Variants in TENM2 observed in about 807,000 individuals in gnomAD.
The protein encoded by TENM2 is teneurin-2.
TENM2 carries 52 observed loss-of-function variants against 245.2 expected under a neutral mutation model. The ratio of observed to expected loss-of-function variants is 0.21; its 90% CI spans 0.17 to 0.27. The LOEUF (loss-of-function observed/expected upper bound fraction) is 0.27, where lower values mean the gene tolerates loss of function less well. TENM2 is among the 10% of genes least tolerant of loss of function. The pLI, the probability that TENM2 is intolerant of heterozygous loss-of-function variation, is 1.00. For synonymous variants in TENM2, 1,363 were observed against 1,438.9 expected (o/e 0.95, Z 1.19); for missense variants, 3,046 against 3,666.8 (o/e 0.83, Z 4.37).
At chr5:168,114,648 C>T (rs762726228) in intron 9 of TENM2, among the ~76,000 whole-genome samples, 10 of 152,210 alleles carry the variant, frequency 6.6e-5, no homozygotes, top group Admixed American at 1.3e-4. Flanking sequence ...CCCATGGCAA[C>T]TGGATTACTA....
At chr5:167,254,207 G>A in the TENM2 span, among the ~76,000 whole-genome samples, 35 of 152,246 alleles carry the variant, frequency 2.3e-4, no homozygotes, top group South Asian at 1.0e-3. Flanking sequence ...GCAGAACCAG[G>A]GGGAGAAAAG....
the TENM2 span, among the ~76,000 whole-genome samples, chr5:167,034,491 G>T: frequency 1.3e-5 from 2 of 151,896 alleles, no homozygotes; most frequent in East Asian, 3.9e-4. Flanking sequence ...TTAGCCGGGC[G>T]TGGTGGCGGG....
At chr5:168,233,918 G>A (rs181717100) in intron 25 of TENM2, among the ~76,000 whole-genome samples, 27 of 152,206 alleles carry the variant, frequency 1.8e-4, no homozygotes, top group South Asian at 8.3e-4. Context: ...AGAATAGCAC[G>A]GGAAAGATCG....
rs1297825566 is a variant in TENM2, at chr5:167,489,849, G to C, written c.502+114376G>C. 2.0e-5 allele frequency among the ~76,000 whole-genome samples: 3 copies of C among 151,902 alleles called. No homozygotes were observed. In the East Asian group the frequency reaches 5.8e-4, roughly 29 times the overall value. On this transcript the variant is annotated intron_variant, in intron 2 of 28. Coordinates refer to ENST00000518659, the Ensembl canonical transcript of TENM2. Reference sequence around the variant, plus strand: ...ACCTGAGAAAGTTCTTATTTTGTTAGGTATCTGACCTCTGATAGCATGATT... The same window carrying C: ...ACCTGAGAAAGTTCTTATTTTGTTACGTATCTGACCTCTGATAGCATGATT...
At position 167,964,532 on chromosome 5, in the gene TENM2, C is replaced by A. The variant is rs138791338; in HGVS notation, c.947+11710C>A. The stretch of plus-strand genomic sequence containing the variant: ...CATGTGTCAGGCACTGAGGATCCGG[C>A]AAAGGAGAAAAACAAAACCTCTGTC... On this transcript the variant is annotated intron_variant, in intron 4 of 28. Transcript: ENST00000518659. 7.2e-5 allele frequency among the ~76,000 whole-genome samples: 11 copies of A among 152,274 alleles called. No individual in the cohort carries two copies. The East Asian group carries it at 2.1e-3, about 29-fold the overall frequency.
rs1771131821 is a variant in TENM2 at position 167,526,488 on chromosome 5, A to G, written c.502+151015A>G. Among the ~76,000 whole-genome samples the G allele has an allele frequency of 2.0e-5, 3 of 152,056 alleles. No individual in the cohort carries two copies. The South Asian group carries it at 6.2e-4, about 31-fold the overall frequency. The stretch of plus-strand genomic sequence containing the variant: ...TTTTTTAATGTTTCATAAGAAGCCT[A>G]TATCACTACTTGTATAATCGGGAAA... On this transcript the variant is annotated intron_variant, in intron 2 of 28. Transcript: ENST00000518659.
chr5:167,005,655 G>GTT, the TENM2 span, among the ~76,000 whole-genome samples: 366 of 52,976 alleles, frequency 6.9e-3, no homozygotes, highest in Non-Finnish European at 8.1e-3. Flanking sequence ...CTGTGTGTGG[G>GTT]TTTTTTTTTT....
chr5:167,331,009 G>T (rs1473561932), intron 1 of TENM2, among the ~76,000 whole-genome samples: 1 of 152,028 alleles, frequency 6.6e-6, no homozygotes, highest in African/African-American at 2.4e-5. Flanking sequence ...AGGCCGAGGA[G>T]GGCAGAACAT....
chr5:167,469,530 T>G (rs1766877474), intron 2 of TENM2, among the ~76,000 whole-genome samples: 1 of 152,278 alleles, frequency 6.6e-6, no homozygotes, highest in South Asian at 2.1e-4. Context: ...TATTTGTTAT[T>G]GTGTATAACC....
At chr5:167,468,760 T>C (rs1242393269) in intron 2 of TENM2, among the ~76,000 whole-genome samples, 1 of 152,250 alleles carries the variant, frequency 6.6e-6, no homozygotes, top group Non-Finnish European at 1.5e-5. Context: ...ATTGAATCAT[T>C]GATTCTCAAA....
chr5:167,049,410 A>G, the TENM2 span, among the ~76,000 whole-genome samples: 1 of 152,154 alleles, frequency 6.6e-6, no homozygotes, highest in African/African-American at 2.4e-5. Context: ...CAAGTGACTT[A>G]TTTTTACTGG....
chr5:168,150,754 T>C (rs1756574271), intron 12 of TENM2, among the ~76,000 whole-genome samples: 1 of 152,190 alleles, frequency 6.6e-6, no homozygotes, highest in Admixed American at 6.5e-5. Flanking sequence ...GCCTTCTCCC[T>C]GTACAGTCCT....
At chr5:167,564,490 C>T (rs909838410) in intron 2 of TENM2, among the ~76,000 whole-genome samples, 1 of 152,138 alleles carries the variant, frequency 6.6e-6, no homozygotes, top group Non-Finnish European at 1.5e-5. Context: ...GATTATCTGG[C>T]TTACATTGTA....
At chr5:167,029,072 A>C in the TENM2 span, among the ~76,000 whole-genome samples, 1 of 152,204 alleles carries the variant, frequency 6.6e-6, no homozygotes, top group Non-Finnish European at 1.5e-5. Flanking sequence ...TCAGCAGTCT[A>C]ATTTGATCAG....
At chr5:167,870,811 T>G (rs539363214) in intron 2 of TENM2, among the ~76,000 whole-genome samples, 1 of 152,010 alleles carries the variant, frequency 6.6e-6, no homozygotes, top group African/African-American at 2.4e-5. Flanking sequence ...AGCATGTCTC[T>G]TTGCTTCATC....
At chr5:167,316,712 T>C (rs184612436) in intron 1 of TENM2, among the ~76,000 whole-genome samples, 1 of 152,316 alleles carries the variant, frequency 6.6e-6, no homozygotes, top group East Asian at 1.9e-4. Flanking sequence ...GTACAATCCG[T>C]AGAGTCAGAT....
At chr5:167,260,093 C>G in the TENM2 span, among the ~76,000 whole-genome samples, 21 of 152,176 alleles carry the variant, frequency 1.4e-4, no homozygotes, top group African/African-American at 4.8e-4. Context: ...GTTTATCCAT[C>G]TTCATTAATG....
chr5:167,234,563 A>G, the TENM2 span, among the ~76,000 whole-genome samples: 1 of 152,352 alleles, frequency 6.6e-6, no homozygotes, highest in African/African-American at 2.4e-5. Context: ...GAAGAGGTCA[A>G]CTTGAAAATG....
intron 5 of TENM2, among the ~76,000 whole-genome samples, chr5:168,034,885 T>C (rs1457050725): frequency 2.6e-5 from 4 of 152,264 alleles, no homozygotes; most frequent in African/African-American, 4.8e-5. Context: ...ACCTCCTCTG[T>C]GAAATGTGTT....
Sources: allele counts gnomAD v4.1 joint callset (sites outside exome capture counted in the v4.1 genomes callset), GRCh38; gene constraint gnomAD v4.1.1; transcripts MANE v1.5; gene names NCBI Gene and HGNC (gene_info 2026-07-23, HGNC 2026-07-21).